The following PNPLA1 variants were observed in gnomAD, a reference collection of about 807,000 sequenced individuals.
PNPLA1 encodes the protein omega-hydroxyceramide transacylase.
PNPLA1 carries 36 observed loss-of-function variants against 51.7 expected under a neutral mutation model. The observed-to-expected ratio is 0.70, with a 90% CI of 0.53 to 0.92. PNPLA1 has a LOEUF of 0.92. Among genes scored for constraint, PNPLA1 ranks in the 40% least tolerant of loss-of-function variants. The probability of loss-of-function intolerance (pLI) is 0.00; values close to 1 mark genes in which losing one functional copy is unlikely to be tolerated. For synonymous variants in PNPLA1, 293 were observed against 280.1 expected, an observed-to-expected ratio of 1.05 and a Z score of -0.46; for missense variants, 658 against 682.5, an observed-to-expected ratio of 0.96 and a Z score of 0.40.
chr6:36,276,492 C>G (rs990058714), intron 1 of PNPLA1, among the ~76,000 whole-genome samples: 6 of 152,168 alleles, frequency 3.9e-5, no homozygotes, highest in African/African-American at 1.4e-4. Flanking sequence ...CTTCATTAAT[C>G]CATTCATTCA....
intron 1 of PNPLA1, among the ~76,000 whole-genome samples, chr6:36,287,448 G>A (rs371117840): frequency 6.6e-6 from 1 of 152,166 alleles, no homozygotes; most frequent in Admixed American, 6.5e-5. Context: ...TTGGGTCCGC[G>A]GTGCTGCTTC....
chr6:36,247,060 G>A (rs1647732783), intron 1 of PNPLA1, among the ~76,000 whole-genome samples: 1 of 152,032 alleles, frequency 6.6e-6, no homozygotes, highest in Non-Finnish European at 1.5e-5. Flanking sequence ...CCACTTACCA[G>A]CCCGCCGATG....
At chr6:36,258,659 A>G (rs1280494703) in intron 1 of PNPLA1, among the ~76,000 whole-genome samples, 1 of 152,088 alleles carries the variant, frequency 6.6e-6, no homozygotes, top group Non-Finnish European at 1.5e-5. Context: ...TATCTTATGG[A>G]CCAGAATTGT....
At chr6:36,288,469 G>A (rs1390672994) in intron 1 of PNPLA1, among the ~76,000 whole-genome samples, 2 of 139,032 alleles carry the variant, frequency 1.4e-5, no homozygotes, top group Non-Finnish European at 3.1e-5. Context: ...TTTTTGAGAC[G>A]GAGTCTCGCT....
Position 36,312,197 on chromosome 6 carries a change from G to T in PNPLA1, c.*311G>T, listed in dbSNP as rs1771422010. 1 of 152,024 alleles carries T rather than the reference G, an allele frequency of 6.6e-6. No individual in the cohort carries two copies. Among genetic ancestry groups the T allele is most frequent in the Admixed American group, 6.6e-5 (1 of 15,260 alleles). 9.4% of individuals were successfully genotyped at this position (152,024 alleles called of 1,614,324 possible). On this transcript the variant is annotated 3_prime_UTR_variant, in exon 9 of 9. Transcript: ENST00000636260. ...GCGAATCGCCTACCCCTTTTATATGGCACTGTACCCTTGTATAGTGTAAAA... is the reference window on the plus strand; with the variant it reads ...GCGAATCGCCTACCCCTTTTATATGTCACTGTACCCTTGTATAGTGTAAAA...
In PNPLA1 at chr6:36,308,797, C is replaced by T. The variant is rs76238598; in HGVS notation, c.1595+1085C>T. 6.0e-3 allele frequency among the ~76,000 whole-genome samples: 910 copies of T among 152,144 alleles called. 39 individuals are homozygous for T. The East Asian group carries it at 0.11, about 18-fold the overall frequency. On this transcript the variant is annotated intron_variant, in intron 8 of 8. Transcript: ENST00000636260. ...TGAGAGCCTCAGATTCAAACCAAGTCGGGTATTATTTACAGTTATTTCATT... is the reference window on the plus strand; with the variant it reads ...TGAGAGCCTCAGATTCAAACCAAGTTGGGTATTATTTACAGTTATTTCATT...
intron 6 of PNPLA1, 130 bp from the exon 7 acceptor site, chr6:36,306,162 T>G: frequency 1.3e-5 from 9 of 706,918 alleles, no homozygotes; most frequent in South Asian, 2.1e-5. Context: ...GTTGTAAAGA[T>G]GAGAATTTGA....
intron 1 of PNPLA1, among the ~76,000 whole-genome samples, chr6:36,245,984 A>G (rs1769272097): frequency 6.6e-6 from 1 of 152,236 alleles, no homozygotes; most frequent in Admixed American, 6.5e-5. Flanking sequence ...CGAATGGCAC[A>G]GGGCCATCTC....
At position 36,294,038 on chromosome 6, in the gene PNPLA1, C is replaced by T. The variant is rs183626173; in HGVS notation, c.505-152C>T. On this transcript the variant is annotated intron_variant, in intron 3 of 8. Coordinates refer to ENST00000636260, the MANE Select transcript of PNPLA1 (RefSeq NM_001374623.1). The surrounding 1 kb of genome is among the most constrained non-coding windows in gnomAD (Gnocchi z 4.2). Reference sequence around the variant, plus strand: ...GGGGCACACCACGCACCCACCAGGACCTCCGTCTCCAGGCTTATCCTGAGG... The same window carrying T: ...GGGGCACACCACGCACCCACCAGGATCTCCGTCTCCAGGCTTATCCTGAGG... 422 of 870,396 alleles carry T rather than the reference C, an allele frequency of 4.8e-4. 2 individuals carry two copies. Among genetic ancestry groups the T allele is most frequent in the Middle Eastern group, 4.5e-3 (13 of 2,876 alleles). 53.9% of individuals were successfully genotyped at this position (870,396 alleles called of 1,614,324 possible). A position where few individuals can be genotyped will look rare whatever the true frequency, so the allele number is the denominator to read the frequency against.
chr6:36,282,088 AGAAGGAAGGAAGGAAGGAAGGAAG>A (rs70975141), intron 1 of PNPLA1, among the ~76,000 whole-genome samples: 40 of 98,912 alleles, frequency 4.0e-4, no homozygotes, highest in African/African-American at 1.7e-3. Flanking sequence ...AAAGAAAGAA[AGAAGGAAGGAAGGAAGGAAGGAAG>A]GAAGGAAGGA....
intron 1 of PNPLA1, among the ~76,000 whole-genome samples, chr6:36,271,928 G>A (rs769206088): frequency 3.9e-5 from 6 of 152,166 alleles, no homozygotes; most frequent in Admixed American, 2.6e-4. Flanking sequence ...AACGTTCTGC[G>A]CCTCTGTTTC....
Position 36,291,595 on chromosome 6 carries a change from G to A in PNPLA1, c.438+43G>A, listed in dbSNP as rs550453913. 3 of 1,196,364 alleles carry A rather than the reference G, an allele frequency of 2.5e-6. 1 individual carries two copies. Among genetic ancestry groups the A allele is most frequent in the Non-Finnish European group, 3.5e-6 (3 of 849,930 alleles). The allele number at this position is 1,196,364 out of a possible 1,614,324, so 74.1% of individuals were successfully genotyped here. ...GGAGGGAGGGACACGGAGGGGGCGG[G>A]GGAGGGCGGCTCCTGCTCTTTCTCC... On this transcript the variant is annotated intron_variant, in intron 2 of 8. Transcript: ENST00000636260.
intron 8 of PNPLA1, among the ~76,000 whole-genome samples, chr6:36,310,771 C>T (rs1027802100): frequency 1.3e-5 from 2 of 152,182 alleles, no homozygotes; most frequent in African/African-American, 4.8e-5. Context: ...AGTCAGAAGT[C>T]ACAGGGGTTA....
intron 5 of PNPLA1, among the ~76,000 whole-genome samples, chr6:36,298,136 C>T (rs1387414018): frequency 1.3e-5 from 2 of 152,112 alleles, no homozygotes; most frequent in Admixed American, 6.5e-5. Context: ...ATAGTTTGTT[C>T]CTTTTTACGT....
intron 1 of PNPLA1, among the ~76,000 whole-genome samples, chr6:36,264,493 T>C (rs1378228215): frequency 1.3e-5 from 2 of 152,206 alleles, no homozygotes; most frequent in Non-Finnish European, 2.9e-5. Flanking sequence ...TTATGAAACA[T>C]ATTAATATAC....
chr6:36,296,755 A>C (rs1770869347), intron 5 of PNPLA1, among the ~76,000 whole-genome samples: 1 of 152,112 alleles, frequency 6.6e-6, no homozygotes, highest in African/African-American at 2.4e-5. Context: ...CCTGGAGGCA[A>C]GTAGCTCTAA....
At chr6:36,295,024 C>A (rs1237672521) in intron 4 of PNPLA1, among the ~76,000 whole-genome samples, 1 of 152,198 alleles carries the variant, frequency 6.6e-6, no homozygotes. Flanking sequence ...CAATAAGGGG[C>A]AGCCCAGAGA....
At chr6:36,308,749 C>A (rs1468876608) in intron 8 of PNPLA1, among the ~76,000 whole-genome samples, 1 of 152,182 alleles carries the variant, frequency 6.6e-6, no homozygotes, top group Non-Finnish European at 1.5e-5. Flanking sequence ...TGCATGTATA[C>A]AAACAGACTC....
intron 1 of PNPLA1, among the ~76,000 whole-genome samples, chr6:36,250,475 G>T (rs1229384769): frequency 6.6e-6 from 1 of 152,124 alleles, no homozygotes; most frequent in East Asian, 1.9e-4. Flanking sequence ...TTTTTGCTCT[G>T]TGAAAATACC....
Sources: allele counts gnomAD v4.1 joint callset (sites outside exome capture counted in the v4.1 genomes callset), GRCh38; gene constraint gnomAD v4.1.1; non-coding constraint Gnocchi (gnomAD v3.1); transcripts MANE v1.5; gene names NCBI Gene and HGNC (gene_info 2026-07-23, HGNC 2026-07-21).